The following NEK1 variants were observed in gnomAD, a reference collection of about 807,000 sequenced individuals.
The protein encoded by NEK1 is NIMA related kinase 1.
Under a neutral mutation model 182.1 loss-of-function variants are expected in NEK1, and 137 were observed. The ratio of observed to expected loss-of-function variants is 0.75; its 90% confidence interval spans 0.65 to 0.87. The LOEUF is 0.87. Ranked by LOEUF, NEK1 falls within the 40% of genes least tolerant of loss-of-function variation. The pLI is 0.00. For synonymous variants in NEK1, 513 were observed against 492.2 expected, an observed-to-expected ratio of 1.04 and a Z score of -0.56; for missense variants, 1,391 against 1,494.4, an observed-to-expected ratio of 0.93 and a Z score of 1.14.
intron 23 of NEK1, among the ~76,000 whole-genome samples, chr4:169,480,104 C>T (rs1747707261): frequency 6.6e-6 from 1 of 152,046 alleles, no homozygotes; most frequent in African/African-American, 2.4e-5. Context: ...TGAATTAATA[C>T]AAGGAAATGA....
intron 31 of NEK1, among the ~76,000 whole-genome samples, chr4:169,414,570 A>G (rs745453095): frequency 1.3e-5 from 2 of 152,190 alleles, no homozygotes; most frequent in Non-Finnish European, 2.9e-5. Flanking sequence ...CATATAACAT[A>G]CTTTAAACAC....
intron 32 of NEK1, 67 bp from the exon 33 acceptor site, chr4:169,401,927 A>T: frequency 7.7e-7 from 1 of 1,305,550 alleles, no homozygotes; most frequent in Non-Finnish European, 1.0e-6. Context: ...AACAACTAAA[A>T]CTACCTCATA....
intron 23 of NEK1, among the ~76,000 whole-genome samples, chr4:169,487,848 T>C (rs553674526): frequency 7.9e-5 from 12 of 152,318 alleles, no homozygotes; most frequent in South Asian, 2.1e-4. Flanking sequence ...TTTTTAATAA[T>C]TGCCATTCTG....
At chr4:169,550,775 A>G (rs1414682204) in intron 18 of NEK1, among the ~76,000 whole-genome samples, 1 of 152,172 alleles carries the variant, frequency 6.6e-6, no homozygotes, top group Non-Finnish European at 1.5e-5. Context: ...AATGAAGTCT[A>G]ACACACATAT....
At chr4:169,540,044 T>C (rs1759159604) in intron 18 of NEK1, among the ~76,000 whole-genome samples, 2 of 152,278 alleles carry the variant, frequency 1.3e-5, no homozygotes, top group Middle Eastern at 3.4e-3. Flanking sequence ...ACTTGCTCTA[T>C]GTATTTATAT....
chr4:169,510,728 A>G (rs1369114648), intron 19 of NEK1, among the ~76,000 whole-genome samples: 1 of 152,148 alleles, frequency 6.6e-6, no homozygotes, highest in Non-Finnish European at 1.5e-5. Flanking sequence ...TGATCTCGCC[A>G]TTTCTAGTCT....
chr4:169,546,581 T>TA (rs1287752468), intron 18 of NEK1, among the ~76,000 whole-genome samples: 1 of 152,146 alleles, frequency 6.6e-6, no homozygotes, highest in Non-Finnish European at 1.5e-5. Context: ...AGTGGGGTGT[T>TA]AAAGTCTCCC....
chr4:169,573,140 GA>G (rs1765140148), intron 12 of NEK1, among the ~76,000 whole-genome samples: 1 of 152,220 alleles, frequency 6.6e-6, no homozygotes, highest in East Asian at 1.9e-4. Flanking sequence ...GTATGCAAAT[GA>G]TTGAGTTGAT....
chr4:169,550,822 C>T (rs2149884243), intron 18 of NEK1, among the ~76,000 whole-genome samples: 1 of 152,306 alleles, frequency 6.6e-6, no homozygotes, highest in East Asian at 1.9e-4. Flanking sequence ...TTTGACATTT[C>T]AGCACTATGC....
At chr4:169,458,367 A>T (rs1301383485) in intron 27 of NEK1, among the ~76,000 whole-genome samples, 7 of 152,210 alleles carry the variant, frequency 4.6e-5, no homozygotes, top group Non-Finnish European at 8.8e-5. Flanking sequence ...AAAAAAATGT[A>T]TCTAGACACA....
intron 27 of NEK1, among the ~76,000 whole-genome samples, chr4:169,451,494 G>A (rs541505345): frequency 9.9e-5 from 15 of 152,154 alleles, no homozygotes; most frequent in South Asian, 8.3e-4. Flanking sequence ...ACTCAAAACC[G>A]CACAACTACA....
chr4:169,424,451 T>A (rs1736012137), intron 31 of NEK1, 102 bp downstream of exon 31: 1 of 1,302,504 alleles, frequency 7.7e-7, no homozygotes, highest in South Asian at 2.3e-5. Flanking sequence ...TGTGTTTGTG[T>A]CTGTGTTAAG....
intron 23 of NEK1, among the ~76,000 whole-genome samples, chr4:169,504,456 A>G (rs1026105972): frequency 3.3e-5 from 5 of 152,214 alleles, no homozygotes; most frequent in Non-Finnish European, 2.9e-5. Context: ...ACTAGTCACA[A>G]TAGCCAAAAT....
intron 12 of NEK1, among the ~76,000 whole-genome samples, chr4:169,566,433 G>A (rs1763690744): frequency 6.6e-6 from 1 of 152,096 alleles, no homozygotes; most frequent in Non-Finnish European, 1.5e-5. Flanking sequence ...TGAGAGAACT[G>A]TTTGTGTTCT....
chr4:169,604,813 G>C (rs1036471284), intron 2 of NEK1, among the ~76,000 whole-genome samples: 1 of 152,136 alleles, frequency 6.6e-6, no homozygotes, highest in South Asian at 2.1e-4. Flanking sequence ...CTCTACCTTA[G>C]AAAACAAGAT....
At chr4:169,550,818 A>G (rs1440900388) in intron 18 of NEK1, among the ~76,000 whole-genome samples, 2 of 152,134 alleles carry the variant, frequency 1.3e-5, no homozygotes, top group Non-Finnish European at 2.9e-5. Context: ...GCCTTTTGAC[A>G]TTTCAGCACT....
At chr4:169,548,818 C>T (rs534707100) in intron 18 of NEK1, among the ~76,000 whole-genome samples, 4 of 152,180 alleles carry the variant, frequency 2.6e-5, no homozygotes, top group Non-Finnish European at 5.9e-5. Flanking sequence ...CACCCCTCCC[C>T]GCTCCAAGCT....
chr4:169,583,320 C>G (rs1220430474), intron 10 of NEK1, among the ~76,000 whole-genome samples: 1 of 147,260 alleles, frequency 6.8e-6, no homozygotes, highest in African/African-American at 2.5e-5. Context: ...ATATATAGTA[C>G]AAAATAAATC....
intron 26 of NEK1, among the ~76,000 whole-genome samples, chr4:169,470,424 T>C (rs1011012318): frequency 8.5e-5 from 13 of 152,214 alleles, no homozygotes; most frequent in African/African-American, 3.1e-4. Flanking sequence ...AATTCTTTTC[T>C]TTAAGAATGT....
Sources: allele counts gnomAD v4.1 joint callset (sites outside exome capture counted in the v4.1 genomes callset), GRCh38; gene constraint gnomAD v4.1.1; transcripts MANE v1.5; gene names NCBI Gene and HGNC (gene_info 2026-07-23, HGNC 2026-07-21).